The following NRG1 variants were observed in gnomAD, a reference collection of about 807,000 sequenced individuals.
The protein encoded by NRG1 is pro-neuregulin-1, membrane-bound isoform.
In NRG1, 18 loss-of-function variants were observed where a neutral mutation model predicts 63.8. That is an observed-to-expected ratio of 0.28 (90% CI 0.19 to 0.42). NRG1 has a LOEUF of 0.42. Ranked by LOEUF, NRG1 falls within the 10% of genes least tolerant of loss-of-function variation. NRG1 has a pLI of 1.00. For missense variants in NRG1, 762 were observed against 814.7 expected (o/e 0.94, Z 0.79); for synonymous variants, 302 against 301.3 (o/e 1.00, Z -0.02).
intron 1 of NRG1, among the ~76,000 whole-genome samples, chr8:32,422,781 T>G (rs1478295423): frequency 6.6e-6 from 1 of 152,244 alleles, no homozygotes; most frequent in Non-Finnish European, 1.5e-5. Context: ...GTTTTTGAAT[T>G]ACATTCTGAC....
At chr8:32,103,466 G>C (rs1485175576) in intron 1 of NRG1, among the ~76,000 whole-genome samples, 1 of 152,152 alleles carries the variant, frequency 6.6e-6, no homozygotes, top group Non-Finnish European at 1.5e-5. Context: ...CCAAATATTG[G>C]CTATTGTGAA....
rs954414082 is a variant in NRG1, at chr8:31,788,641, G to A, written c.37+149210G>A. On this transcript the variant is annotated intron_variant, in intron 1 of 10. Coordinates refer to the NRG1 transcript ENST00000519301. ...CACTGGGGATATTTTAATTTGTAGT[G>A]ATTTGTTGTTGTTGAGCAATAAACA... is the stretch of plus-strand genomic sequence containing the variant. 5.3e-5 allele frequency among the ~76,000 whole-genome samples: 8 copies of A among 152,120 alleles called. No individual in the cohort carries two copies. The East Asian group carries it at 1.5e-3, about 29-fold the overall frequency.
chr8:32,047,914 A>G (rs1586724000), intron 1 of NRG1, among the ~76,000 whole-genome samples: 1 of 151,726 alleles, frequency 6.6e-6, no homozygotes, highest in East Asian at 1.9e-4. Flanking sequence ...TCTTCCTAAC[A>G]CCTCCAATCA....
intron 7 of NRG1, chr8:32,749,542 C>A: frequency 6.2e-7 from 1 of 1,612,986 alleles, no homozygotes; most frequent in East Asian, 2.2e-5. Flanking sequence ...TTTTTTTTGT[C>A]AACTTTCTGC....
At chr8:31,733,317 TC>T (rs980322372) in intron 1 of NRG1, among the ~76,000 whole-genome samples, 2 of 152,166 alleles carry the variant, frequency 1.3e-5, no homozygotes, top group Non-Finnish European at 2.9e-5. Context: ...AGATTTCTCT[TC>T]CTTTGGGAAA....
chr8:31,945,315 G>A (rs1040098945), intron 1 of NRG1, among the ~76,000 whole-genome samples: 2 of 152,028 alleles, frequency 1.3e-5, no homozygotes, highest in African/African-American at 4.8e-5. Context: ...TTTATTTTCA[G>A]AGTTTATCGA....
At chr8:31,979,917 T>G (rs1808807612) in intron 1 of NRG1, among the ~76,000 whole-genome samples, 1 of 152,088 alleles carries the variant, frequency 6.6e-6, no homozygotes, top group African/African-American at 2.4e-5. Flanking sequence ...TCAGTGGCAT[T>G]TTAATTTATA....
chr8:32,720,364 G>A (rs1364173543), intron 5 of NRG1, among the ~76,000 whole-genome samples: 1 of 152,108 alleles, frequency 6.6e-6, no homozygotes, highest in East Asian at 1.9e-4. Flanking sequence ...CATTTAGCCT[G>A]GTGAGGTCTA....
chr8:31,835,042 T>G (rs1245608226), intron 1 of NRG1, among the ~76,000 whole-genome samples: 1 of 152,216 alleles, frequency 6.6e-6, no homozygotes, highest in Non-Finnish European at 1.5e-5. Context: ...TACTAGTTAA[T>G]ACTGATGCCA....
intron 2 of NRG1, among the ~76,000 whole-genome samples, chr8:32,600,805 T>C (rs1334938488): frequency 6.6e-6 from 1 of 152,118 alleles, no homozygotes; most frequent in African/African-American, 2.4e-5. Flanking sequence ...ATTTAATATT[T>C]TTAGAAAATA....
At chr8:32,176,329 A>T (rs1840725054) in intron 1 of NRG1, among the ~76,000 whole-genome samples, 1 of 152,226 alleles carries the variant, frequency 6.6e-6, no homozygotes, top group Non-Finnish European at 1.5e-5. Flanking sequence ...AAATTAATTC[A>T]AGGTGATTAA....
At chr8:32,383,632 C>T (rs550102018) in intron 1 of NRG1, among the ~76,000 whole-genome samples, 2 of 152,200 alleles carry the variant, frequency 1.3e-5, no homozygotes, top group South Asian at 4.1e-4. Context: ...ATCAGAGTCA[C>T]ATAGATGTGA....
intron 1 of NRG1, among the ~76,000 whole-genome samples, chr8:32,262,209 A>G (rs1199884980): frequency 6.6e-6 from 1 of 152,198 alleles, no homozygotes. Context: ...GGATTCATAT[A>G]AATCACAAAT....
intron 5 of NRG1, among the ~76,000 whole-genome samples, chr8:32,679,393 T>C (rs1316305707): frequency 2.0e-5 from 3 of 152,144 alleles, no homozygotes; most frequent in African/African-American, 7.2e-5. Context: ...TTTTGCAAAT[T>C]GAAAATCATG....
At chr8:32,754,576 TAAAA>T in intron 8 of NRG1, 102 bp downstream of exon 8, 1 of 858,112 alleles carries the variant, frequency 1.2e-6, no homozygotes, top group Non-Finnish European at 1.7e-6. Context: ...GTCTTGGGGA[TAAAA>T]AAAAAAGGAG....
At chr8:32,025,971 T>G (rs1050528066) in intron 1 of NRG1, among the ~76,000 whole-genome samples, 9 of 149,434 alleles carry the variant, frequency 6.0e-5, no homozygotes, top group Non-Finnish European at 1.3e-4. Flanking sequence ...AAAGTGAAGA[T>G]ATTGCCACAG....
chr8:32,333,053 T>C (rs576818555), intron 1 of NRG1, among the ~76,000 whole-genome samples: 154 of 152,180 alleles, frequency 1.0e-3, no homozygotes, highest in Non-Finnish European at 2.0e-3. Flanking sequence ...AGTAATTAAA[T>C]GGGACAATAT....
intron 1 of NRG1, among the ~76,000 whole-genome samples, chr8:32,100,960 T>C (rs571674760): frequency 3.6e-4 from 55 of 152,326 alleles, no homozygotes; most frequent in African/African-American, 1.3e-3. Context: ...TGGCATATTT[T>C]AGGGACATAA....
intron 1 of NRG1, among the ~76,000 whole-genome samples, chr8:32,268,784 A>G (rs1312211654): frequency 6.6e-6 from 1 of 152,136 alleles, no homozygotes; most frequent in Non-Finnish European, 1.5e-5. Flanking sequence ...GATACTCAGG[A>G]TTAGTCATGA....
Sources: gnomAD v4.1 joint callset for allele counts (sites outside exome capture counted in the v4.1 genomes callset) on GRCh38, gnomAD v4.1.1 for gene constraint, MANE v1.5 for transcripts, NCBI Gene and HGNC (gene_info 2026-07-23, HGNC 2026-07-21) for gene names.